The following VCL variants were observed in gnomAD, a reference collection of about 807,000 sequenced individuals.
VCL encodes vinculin, also known as epididymis luminal protein 114.
A neutral mutation model predicts 125.7 loss-of-function variants in VCL; 47 were observed. The ratio of observed to expected loss-of-function variants is 0.37; its 90% CI spans 0.30 to 0.48. The LOEUF (loss-of-function observed/expected upper bound fraction) is 0.48. Ranked by LOEUF, VCL falls within the 20% of genes least tolerant of loss-of-function variation. The pLI is 0.99. For synonymous variants in VCL, 458 were observed against 514.6 expected (o/e 0.89, Z 1.49); for missense variants, 1,069 against 1,455.5 (o/e 0.73, Z 4.32).
chr10:74,019,241 TTTTAC>T (rs1840615572), intron 1 of VCL, among the ~76,000 whole-genome samples: 1 of 152,136 alleles, frequency 6.6e-6, no homozygotes, highest in South Asian at 2.1e-4. Context: ...TTATTATTAT[TTTTAC>T]TTTATTTTAC....
chr10:74,093,636 AT>A (rs142795063), intron 10 of VCL, among the ~76,000 whole-genome samples: 10,313 of 147,754 alleles, frequency 0.07, 1,231 homozygotes, highest in African/African-American at 0.24. Flanking sequence ...TCCACGAAAT[AT>A]TTTTTTTTTT....
intron 2 of VCL, among the ~76,000 whole-genome samples, chr10:74,053,636 C>T (rs1210324295): frequency 2.0e-5 from 3 of 151,632 alleles, no homozygotes; most frequent in Non-Finnish European, 2.9e-5. Flanking sequence ...TTTGAGATAG[C>T]GTCTTGCTTT....
chr10:73,998,182 G>T lies in VCL; in HGVS notation c.-26G>T, dbSNP rs750972760. The T allele has an allele frequency of 2.5e-6, 4 of 1,609,078 alleles. No homozygotes were observed. ...TGGATCCTACTTCTCTGTCGCCCGC[G>T]GTTCGCCGCCCCGCTCGCCGCCGCG... On this transcript the variant is annotated 5_prime_UTR_variant, in exon 1 of 22. Transcript: ENST00000211998.
chr10:74,103,412 C>T (rs968356781), intron 14 of VCL, among the ~76,000 whole-genome samples: 1 of 152,150 alleles, frequency 6.6e-6, no homozygotes, highest in African/African-American at 2.4e-5. Flanking sequence ...TGTCCTGTCT[C>T]ATGGGGTTGT....
Position 74,004,768 on chromosome 10 carries a change from G to A in VCL, c.168+6393G>A, listed in dbSNP as rs112099902. On this transcript the variant is annotated intron_variant, in intron 1 of 21. Transcript: ENST00000211998. ...TGCCCAGGCTGGAGTGCAGTGGTGC[G>A]ATCTCAGCTCACCGCAACCTCCGCC... 9.1e-4 allele frequency among the ~76,000 whole-genome samples: 138 copies of A among 151,376 alleles called. 2 individuals carry two copies. The highest frequency in any genetic ancestry group is 3.1e-3 in the African/African-American group (127 of 41,208).
At position 73,998,373 on chromosome 10, in the gene VCL, CG is replaced by C; in HGVS notation, c.168+1del. On this transcript the variant is annotated frameshift_variant and splice_region_variant, in exon 1 of 22. Coordinates refer to ENST00000211998, the MANE Select transcript of VCL (RefSeq NM_014000.3). LOFTEE classifies it high-confidence loss of function. ...AVQAAVSNLV[R>X]VGKETVQTTE... is the part of the protein sequence containing the mutation. ...GCAGGCGGCCGTCAGCAACCTCGTC[CG>C]GGTGAGCGCGCAGGGCCTGGCGCGG... 2.6e-6 allele frequency: 4 copies of C among 1,529,870 alleles called. No homozygotes were observed. The highest frequency in any genetic ancestry group is 3.5e-6 in the Non-Finnish European group (4 of 1,136,010). 94.8% of individuals were successfully genotyped at this position (1,529,870 alleles called of 1,614,324 possible).
In VCL at chr10:74,018,196, ATATAT is replaced by A. The variant is rs1336404473; in HGVS notation, c.168+19822_168+19826del. ...ATATAGGATATATATATATATATAT[ATATAT>A]AAATACATATATATATGTGTATTAT... On this transcript the variant is annotated intron_variant, in intron 1 of 21. Coordinates refer to ENST00000211998, the MANE Select transcript of VCL (RefSeq NM_014000.3). 2.9e-4 allele frequency among the ~76,000 whole-genome samples: 41 copies of A among 140,906 alleles called. 1 individual carries two copies. Among genetic ancestry groups the A allele is most frequent in the African/African-American group, 1.0e-3 (40 of 39,128 alleles). The allele number at this position is 140,906 out of a possible 152,430, so 92.4% of individuals were successfully genotyped here. A position where few individuals can be genotyped will look rare whatever the true frequency, so the allele number is the denominator to read the frequency against.
At chr10:74,106,695 T>C (rs143113979) in intron 16 of VCL, among the ~76,000 whole-genome samples, 27 of 152,362 alleles carry the variant, frequency 1.8e-4, no homozygotes, top group Middle Eastern at 3.4e-3. Context: ...ACTAAGGACA[T>C]GCTTGGTTTC....
rs1564532376 is a variant in VCL, at chr10:74,103,835, CG to C, written c.2039del (p.Arg680LeufsTer19). ...ELTPQVVSAARILLRNPGNQA... is the reference protein window; with the variant it reads ...ELTPQVVSAAXILLRNPGNQA... ...TCATTGTCAGGTGGTCTCGGCTGCT[CG>C]TATCTTACTTAGGAACCCTGGAAAT... On this transcript the variant is annotated frameshift_variant, in exon 15 of 22. Transcript: ENST00000211998. LOFTEE classifies it high-confidence loss of function. The C allele has an allele frequency of 1.2e-6, 2 of 1,613,986 alleles. No individual in the cohort carries two copies. The highest frequency in any genetic ancestry group is 3.3e-5 in the Admixed American group (2 of 60,020).
At position 74,111,941 on chromosome 10, in the gene VCL, T is replaced by A; in HGVS notation, c.2778T>A (p.Gly926=). Reference sequence around the variant, plus strand: ...TCCCAGCCGCTGAGGTGGGTATAGGTGTTGTAGCTGAGGCAGATGCGGCCG... The same window carrying A: ...TCCCAGCCGCTGAGGTGGGTATAGGAGTTGTAGCTGAGGCAGATGCGGCCG... ...PGIPAAEVGI[G]VVAEADAADA... The change falls in exon 19 of 22, where the codon GGT becomes GGA. Residue 926 remains glycine, a synonymous_variant. Transcript: ENST00000211998. 2.5e-6 allele frequency: 4 copies of A among 1,614,042 alleles called. No individual in the cohort carries two copies. The highest frequency in any genetic ancestry group is 3.4e-6 in the Non-Finnish European group (4 of 1,179,948).
rs781520177 is a variant in VCL at position 74,097,298 on chromosome 10, C to T, written c.1838C>T (p.Ala613Val). The T allele has an allele frequency of 1.9e-6, 3 of 1,613,544 alleles. No individual in the cohort carries two copies. In the African/African-American group the frequency reaches 4.0e-5, roughly 22 times the overall value. Reference sequence around the variant, plus strand: ...CCCATCAAGCTGTTGGCAGTGGCAGCCACGGCGCCTCCTGATGCGCCTAAC... The same window carrying T: ...CCCATCAAGCTGTTGGCAGTGGCAGTCACGGCGCCTCCTGATGCGCCTAAC... ...TTPIKLLAVAATAPPDAPNRE... is the reference protein window; with the variant it reads ...TTPIKLLAVAVTAPPDAPNRE... Residue 613 changes from alanine to valine, a missense_variant, in exon 13 of 22, where the codon GCC (alanine) becomes GTC (valine). Ala to Val is a moderately conservative substitution (Grantham distance 64). This residue lies in a region of VCL where 760 missense variants were observed against 928.9 expected (regional missense o/e 0.82). Transcript: ENST00000211998. The surrounding 1 kb of genome is among the most constrained non-coding windows in gnomAD (Gnocchi z 4.1).
chr10:74,050,925 C>A, intron 2 of VCL, among the ~76,000 whole-genome samples: 1 of 141,298 alleles, frequency 7.1e-6, no homozygotes, highest in African/African-American at 2.6e-5. Flanking sequence ...TAATTTAGTA[C>A]TACTGTATTT....
intron 2 of VCL, 83 bp from the exon 3 acceptor site, chr10:74,070,587 C>T: frequency 6.4e-7 from 1 of 1,569,742 alleles, no homozygotes; most frequent in Non-Finnish European, 8.7e-7. Context: ...TGTGAATTTA[C>T]ATGCATATTC....
intron 1 of VCL, among the ~76,000 whole-genome samples, chr10:74,011,114 T>G (rs1840425531): frequency 6.9e-6 from 1 of 144,700 alleles, no homozygotes; most frequent in Non-Finnish European, 1.5e-5. Context: ...GAGGTTGCAG[T>G]TAGCTGCGCC....
At chr10:74,035,583 A>T (rs1329471236) in intron 1 of VCL, among the ~76,000 whole-genome samples, 1 of 152,214 alleles carries the variant, frequency 6.6e-6, no homozygotes, top group African/African-American at 2.4e-5. Flanking sequence ...GTGGACACAT[A>T]GTTGGCACTT....
intron 7 of VCL, among the ~76,000 whole-genome samples, chr10:74,083,156 C>A (rs779944868): frequency 1.3e-5 from 2 of 152,166 alleles, no homozygotes; most frequent in Admixed American, 6.5e-5. Flanking sequence ...AGATACAGTT[C>A]CAAGTATCTT....
In VCL at chr10:74,120,086, G is replaced by C. The variant is rs951915285; in HGVS notation, c.*1917G>C. The stretch of plus-strand genomic sequence containing the variant: ...CTAAAAAACTACATTTATAAGCTAG[G>C]ATTTGTTATATGCAAATATTTTCTG... On this transcript the variant is annotated 3_prime_UTR_variant, in exon 22 of 22. Transcript: ENST00000211998. 4 of 151,090 alleles carry C rather than the reference G, an allele frequency of 2.6e-5. No individual in the cohort carries two copies. The highest frequency in any genetic ancestry group is 5.9e-5 in the Non-Finnish European group (4 of 67,906). The allele number at this position is 151,090 out of a possible 1,614,324, so 9.4% of individuals were successfully genotyped here.
chr10:74,083,428 TGTGCAGGCA>T lies in VCL; in HGVS notation c.938_946del (p.Cys313_Lys316delinsTer). On this transcript the variant is annotated stop_gained and inframe_deletion, in exon 8 of 22. Coordinates refer to ENST00000211998, the MANE Select transcript of VCL (RefSeq NM_014000.3). LOFTEE classifies it high-confidence loss of function. ...TGAAGCTGGAAAAGTTGGTGAACTC[TGTGCAGGCA>T]AAGAACGCAGGGAGATTCTGGGAAC... The T allele has an allele frequency of 1.2e-6, 2 of 1,614,186 alleles. No homozygotes were observed. Among genetic ancestry groups the T allele is most frequent in the Non-Finnish European group, 1.7e-6 (2 of 1,180,002 alleles).
rs1839557160 is a variant in VCL, at chr10:74,074,832, A to G, written c.712A>G (p.Ser238Gly). The G allele has an allele frequency of 6.2e-7, 1 of 1,614,052 alleles. No individual in the cohort carries two copies. Among genetic ancestry groups the G allele is most frequent in the African/African-American group, 1.3e-5 (1 of 74,916 alleles). ...KNRNFTVEKMSAEINEIIRVL... is the reference protein window; with the variant it reads ...KNRNFTVEKMGAEINEIIRVL... ...TCGCAATTTTACTGTAGAAAAAATG[A>G]GTGCTGAAATTAATGAGATAATTCG... Residue 238 changes from serine to glycine, a missense_variant, in exon 6 of 22, where the codon AGT (serine) becomes GGT (glycine). Physicochemically the swap from Ser to Gly is moderately conservative, Grantham distance 56 (BLOSUM62 0). Coordinates refer to ENST00000211998, the MANE Select transcript of VCL (RefSeq NM_014000.3).
Sources: gnomAD v4.1 joint callset for allele counts (sites outside exome capture counted in the v4.1 genomes callset) on GRCh38, gnomAD v4.1.1 for gene constraint, gnomAD v4.1.1 regional missense constraint, Gnocchi (gnomAD v3.1) non-coding constraint, MANE v1.5 for transcripts, NCBI Gene and HGNC (gene_info 2026-07-23, HGNC 2026-07-21) for gene names.